RYR1: variants seen among roughly 807,000 people sequenced by gnomAD.
RYR1 encodes the protein central core disease of muscle.
RYR1 carries 342 observed loss-of-function variants against 583.5 expected under a neutral mutation model. The observed-to-expected ratio is 0.59, with a 90% CI of 0.54 to 0.64. RYR1 has a LOEUF of 0.64. Ranked by LOEUF, RYR1 falls within the 30% of genes least tolerant of loss-of-function variation. RYR1 has a pLI of 0.00. For synonymous variants in RYR1, 2,791 were observed against 2,822.5 expected (o/e 0.99, Z 0.35); for missense variants, 6,032 against 6,917.2 (o/e 0.87, Z 4.54).
chr19:38,511,107 G>C (rs2145657257), intron 60 of RYR1, among the ~76,000 whole-genome samples: 1 of 152,150 alleles, frequency 6.6e-6, no homozygotes, highest in Non-Finnish European at 1.5e-5. Flanking sequence ...GCCAGCCTGG[G>C]CAACATACTG....
In RYR1 at chr19:38,527,741, G is replaced by A. The variant is rs1971533168; in HGVS notation, c.10781G>A (p.Arg3594His). 1 of 1,614,048 alleles carries A rather than the reference G, an allele frequency of 6.2e-7. No individual in the cohort carries two copies. The highest frequency in any genetic ancestry group is 2.2e-5 in the East Asian group (1 of 44,856). ...GCCGATGACCCCGAGAAAATCGTGC[G>A]CAGAGTCCAGGAAGTGTCAGCCGTG... is the stretch of plus-strand genomic sequence containing the variant. ...EDADDPEKIV[R>H]RVQEVSAVLY... The change falls in exon 73 of 106, where the codon CGC becomes CAC. Residue 3594 changes from arginine (R) to histidine (H), a missense_variant. Transcript: ENST00000359596.
chr19:38,536,871 G>A, intron 83 of RYR1, 104 bp downstream of exon 83: 2 of 1,279,948 alleles, frequency 1.6e-6, no homozygotes, highest in East Asian at 2.4e-5. Context: ...GTGGAGGGGA[G>A]GGAGGGACCC....
intron 38 of RYR1, among the ~76,000 whole-genome samples, 166 bp from the exon 39 acceptor site, chr19:38,494,186 A>G (rs925535928): frequency 1.3e-5 from 2 of 152,132 alleles, no homozygotes; most frequent in Non-Finnish European, 2.9e-5. Context: ...AAAAAAGGAA[A>G]ACAATCTGCT....
intron 99 of RYR1, among the ~76,000 whole-genome samples, chr19:38,579,606 AAAAGAC>A (rs1974109355): frequency 1.3e-5 from 2 of 151,434 alleles, no homozygotes; most frequent in South Asian, 4.2e-4. Flanking sequence ...AAAAAAAAAA[AAAAGAC>A]AGAGGAAGAG....
intron 79 of RYR1, 34 bp from the exon 80 acceptor site, chr19:38,535,107 G>A: frequency 6.2e-7 from 1 of 1,605,368 alleles, no homozygotes; most frequent in Non-Finnish European, 8.5e-7. Context: ...CCTTCCAACT[G>A]GGTGGACCAT....
At position 38,433,744 on chromosome 19, in the gene RYR1, CAGCCCG is replaced by C; in HGVS notation, c.-85_-80del. On this transcript the variant is annotated 5_prime_UTR_variant, in exon 1 of 106. Transcript: ENST00000359596. ...TGGTGTCTCCAGAGGTCTCCGACCCCAGCCCGCCCCCAGCCCTCCCGCCCAGCCCGC... is the reference window on the plus strand; with the variant it reads ...TGGTGTCTCCAGAGGTCTCCGACCCCCCCCCAGCCCTCCCGCCCAGCCCGC... 7.0e-6 allele frequency: 5 copies of C among 714,396 alleles called. No homozygotes were observed. Among genetic ancestry groups the C allele is most frequent in the East Asian group, 2.6e-5 (1 of 38,076 alleles). 44.3% of individuals were successfully genotyped at this position (714,396 alleles called of 1,614,324 possible).
intron 78 of RYR1, among the ~76,000 whole-genome samples, chr19:38,534,199 G>A (rs980625994): frequency 6.6e-6 from 1 of 151,826 alleles, no homozygotes; most frequent in African/African-American, 2.4e-5. Context: ...TTTTAGTAGA[G>A]GCGGGGTTTC....
chr19:38,479,388 G>A (rs1297429608), intron 31 of RYR1, among the ~76,000 whole-genome samples: 2 of 152,068 alleles, frequency 1.3e-5, no homozygotes, highest in African/African-American at 4.8e-5. Context: ...ATCCATTGTT[G>A]GTTATGAAAT....
chr19:38,455,629 G>T lies in RYR1; in HGVS notation c.1673-4G>T, dbSNP rs752036792. On this transcript the variant is annotated splice_polypyrimidine_tract_variant and splice_region_variant and intron_variant, in intron 15 of 105. Coordinates refer to ENST00000359596, the MANE Select transcript of RYR1 (RefSeq NM_000540.3). ...TTCACCTCTCATTCTGGGCACCCTG[G>T]CAGGCATCCTGGAGGTCCTGTACTG... 1 of 1,612,186 alleles carries T rather than the reference G, an allele frequency of 6.2e-7. No homozygotes were observed. The highest frequency in any genetic ancestry group is 1.1e-5 in the South Asian group (1 of 91,032).
At position 38,537,888 on chromosome 19, in the gene RYR1, G is replaced by T; in HGVS notation, c.11617G>T (p.Val3873Phe). ...CCCTCCCTTCCACCTAGGAGAGAAG[G>T]TCATGGCGGATGATGAATTCACACA... ...TVINRQNGEK[V>F]MADDEFTQDL... The change falls in exon 84 of 106, where the codon GTC becomes TTC. Residue 3873 changes from valine (V) to phenylalanine (F), a missense_variant. Physicochemically the swap from Val to Phe is conservative, Grantham distance 50. This residue lies in a region of RYR1 where 1,493 missense variants were observed against 1,715.5 expected (regional missense o/e 0.87). Coordinates refer to ENST00000359596, the MANE Select transcript of RYR1 (RefSeq NM_000540.3). 1 of 1,612,316 alleles carries T rather than the reference G, an allele frequency of 6.2e-7. No homozygotes were observed. The highest frequency in any genetic ancestry group is 8.5e-7 in the Non-Finnish European group (1 of 1,178,932).
chr19:38,443,605 C>T lies in RYR1; in HGVS notation c.318C>T (p.Ile106=), dbSNP rs1388550300. ...GGACGCTCCTGTATGGCCATGCCAT[C>T]CTGCTCCGGCATGCACACAGCCGCA... ...GHRTLLYGHA[I]LLRHAHSRMY... is the part of the protein sequence containing the mutation. Residue 106 remains isoleucine, a synonymous_variant, in exon 4 of 106, where the codon ATC becomes ATT. Transcript: ENST00000359596. 6 of 1,613,996 alleles carry T rather than the reference C, an allele frequency of 3.7e-6. No individual in the cohort carries two copies. Among genetic ancestry groups the T allele is most frequent in the Admixed American group, 3.3e-5 (2 of 60,004 alleles).
rs781159223 is a variant in RYR1, at chr19:38,485,619, G to T, written c.4964G>T (p.Arg1655Leu). 1.9e-6 allele frequency: 3 copies of T among 1,609,738 alleles called. No individual in the cohort carries two copies. The highest frequency in any genetic ancestry group is 1.3e-5 in the African/African-American group (1 of 75,020). ...RCMDILELSE[R>L]LDLQRFHSHT... is the part of the protein sequence containing the mutation. ...ATGGACATCCTGGAGCTGTCGGAGC[G>T]CCTGGACCTGCAGCGCTTCCACTCG... The change falls in exon 34 of 106, where the codon CGC (arginine) becomes CTC (leucine). Residue 1655 changes from arginine to leucine, a missense_variant. This residue lies in a region of RYR1 where 2,627 missense variants were observed against 2,961.3 expected (regional missense o/e 0.89). Coordinates refer to ENST00000359596, the MANE Select transcript of RYR1 (RefSeq NM_000540.3).
intron 49 of RYR1, 110 bp downstream of exon 49, chr19:38,503,080 T>C (rs1168812292): frequency 1.2e-5 from 12 of 1,032,226 alleles, no homozygotes; most frequent in Non-Finnish European, 1.8e-5. Flanking sequence ...CCAATAAACC[T>C]GCACTAGTTA....
At chr19:38,456,494 C>T (rs902952042) in intron 16 of RYR1, among the ~76,000 whole-genome samples, 4 of 151,536 alleles carry the variant, frequency 2.6e-5, no homozygotes, top group African/African-American at 9.7e-5. Context: ...GTTGGCCAGT[C>T]TGGTCTCGAA....
At chr19:38,533,735 T>G (rs1312484975) in intron 78 of RYR1, among the ~76,000 whole-genome samples, 2 of 146,926 alleles carry the variant, frequency 1.4e-5, no homozygotes, top group African/African-American at 5.1e-5. Flanking sequence ...GAAGTTGCAG[T>G]GAGCCGAGAT....
chr19:38,580,203 C>T, intron 100 of RYR1, 75 bp downstream of exon 100: 2 of 1,608,282 alleles, frequency 1.2e-6, no homozygotes, highest in Non-Finnish European at 1.7e-6. Context: ...GGGATAAGGG[C>T]CGGGCAGCTG....
intron 101 of RYR1, among the ~76,000 whole-genome samples, chr19:38,580,735 G>A (rs376613325): frequency 6.6e-6 from 1 of 152,072 alleles, no homozygotes; most frequent in East Asian, 1.9e-4. Flanking sequence ...GTTGTGTTGT[G>A]TGCCTGGAGG....
Position 38,483,167 on chromosome 19 carries a change from G to A in RYR1, c.4707+54G>A, listed in dbSNP as rs995273088. 1 of 1,600,280 alleles carries A rather than the reference G, an allele frequency of 6.2e-7. No homozygotes were observed. The highest frequency in any genetic ancestry group is 1.1e-5 in the South Asian group (1 of 90,758). Reference sequence around the variant, plus strand: ...GGGGCCAGGCTGAGGCAGGAGATGTGGGGAGGCCAGGCGGGCAGAGCCACT... The same window carrying A: ...GGGGCCAGGCTGAGGCAGGAGATGTAGGGAGGCCAGGCGGGCAGAGCCACT... On this transcript the variant is annotated intron_variant, in intron 32 of 105. Transcript: ENST00000359596. This position sits in a 1 kb window ranked among gnomAD's most constrained non-coding sequence, Gnocchi z 6.3.
intron 101 of RYR1, among the ~76,000 whole-genome samples, chr19:38,582,069 C>G (rs1010427139): frequency 6.6e-6 from 1 of 152,064 alleles, no homozygotes; most frequent in Non-Finnish European, 1.5e-5. Flanking sequence ...GCTTTTAGGA[C>G]TAATAGGTGC....
Sources: allele counts gnomAD v4.1 joint callset (sites outside exome capture counted in the v4.1 genomes callset), GRCh38; gene constraint gnomAD v4.1.1; regional missense constraint gnomAD v4.1.1; non-coding constraint Gnocchi (gnomAD v3.1); transcripts MANE v1.5; gene names NCBI Gene and HGNC (gene_info 2026-07-23, HGNC 2026-07-21).